ZRANB3: variants seen among roughly 807,000 people sequenced by gnomAD.
The protein encoded by ZRANB3 is DNA annealing helicase and endonuclease ZRANB3.
ZRANB3 carries 125 observed loss-of-function variants against 133.8 expected under a neutral mutation model. That is an observed-to-expected ratio of 0.93 (90% confidence interval 0.81 to 1.08). ZRANB3 has a LOEUF of 1.08. Ranked by LOEUF, ZRANB3 falls within the 50% of genes least tolerant of loss-of-function variation. ZRANB3 has a pLI of 0.00. For missense variants in ZRANB3, 1,229 were observed against 1,275.5 expected (o/e 0.96, Z 0.56); for synonymous variants, 387 against 432.7 (o/e 0.89, Z 1.31).
chr2:135,333,718 T>C (rs984550726), intron 6 of ZRANB3, among the ~76,000 whole-genome samples: 6 of 152,170 alleles, frequency 3.9e-5, no homozygotes, highest in Admixed American at 2.0e-4. Flanking sequence ...AAAGTGGTAA[T>C]GGTTGCACAA....
chr2:135,486,458 C>A (rs1349703235), intron 2 of ZRANB3, among the ~76,000 whole-genome samples: 4 of 151,978 alleles, frequency 2.6e-5, no homozygotes, highest in Non-Finnish European at 5.9e-5. Context: ...TCAGGCTCTA[C>A]TTCTAATTCT....
intron 1 of ZRANB3, among the ~76,000 whole-genome samples, chr2:135,524,086 C>CT (rs1399190644): frequency 1.3e-5 from 2 of 151,730 alleles, no homozygotes; most frequent in Non-Finnish European, 2.9e-5. Context: ...TGGTCGAATT[C>CT]TTTTTTCTTT....
intron 6 of ZRANB3, among the ~76,000 whole-genome samples, chr2:135,322,709 T>C (rs1250345180): frequency 6.6e-6 from 1 of 151,726 alleles, no homozygotes; most frequent in Non-Finnish European, 1.5e-5. Flanking sequence ...CCAAGCAAGA[T>C]CATGTCTCTT....
intron 8 of ZRANB3, among the ~76,000 whole-genome samples, chr2:135,277,341 T>C (rs879296612): frequency 2.0e-5 from 3 of 152,220 alleles, no homozygotes; most frequent in Admixed American, 6.5e-5. Context: ...AGTCTATAAA[T>C]TGTATACATG....
intron 3 of ZRANB3, among the ~76,000 whole-genome samples, chr2:135,357,835 A>G (rs185370628): frequency 2.0e-5 from 3 of 152,178 alleles, no homozygotes; most frequent in African/African-American, 7.2e-5. Flanking sequence ...TTAACACCAG[A>G]TATCTTGAGT....
chr2:135,333,975 G>A (rs1684266131), intron 6 of ZRANB3, among the ~76,000 whole-genome samples: 1 of 152,102 alleles, frequency 6.6e-6, no homozygotes, highest in African/African-American at 2.4e-5. Context: ...ACCCTGCAAT[G>A]TCTTCTTATT....
chr2:135,448,671 A>T (rs915004211), intron 2 of ZRANB3, among the ~76,000 whole-genome samples: 2 of 152,246 alleles, frequency 1.3e-5, no homozygotes, highest in African/African-American at 4.8e-5. Flanking sequence ...CTGATTAAAG[A>T]CTAATAATGA....
At position 135,235,057 on chromosome 2, in the gene ZRANB3, A is replaced by G. The variant is rs1695224999; in HGVS notation, c.1540-4130T>C. Among the ~76,000 whole-genome samples, 4 of 152,242 alleles carry G rather than the reference A, an allele frequency of 2.6e-5. No homozygotes were observed. In the South Asian group the frequency reaches 8.3e-4, roughly 31 times the overall value. On this transcript the variant is annotated intron_variant, in intron 12 of 20. Coordinates refer to ENST00000264159, the MANE Select transcript of ZRANB3 (RefSeq NM_032143.4). ...AGACCGCTAGCAGGACTAATAAAGAAGAAAAGAGAAGAATCAAATAGACGC... is the reference window on the plus strand; with the variant it reads ...AGACCGCTAGCAGGACTAATAAAGAGGAAAAGAGAAGAATCAAATAGACGC...
At chr2:135,485,972 T>C (rs1191209619) in intron 2 of ZRANB3, among the ~76,000 whole-genome samples, 1 of 152,210 alleles carries the variant, frequency 6.6e-6, no homozygotes, top group Non-Finnish European at 1.5e-5. Context: ...TTAATACATA[T>C]ATCAATTATT....
intron 1 of ZRANB3, among the ~76,000 whole-genome samples, chr2:135,524,961 C>G (rs2104846745): frequency 6.6e-6 from 1 of 151,694 alleles, no homozygotes; most frequent in South Asian, 2.1e-4. Flanking sequence ...AATTTTTTTA[C>G]TAATCTGGGG....
At chr2:135,488,586 C>A (rs72986467) in intron 2 of ZRANB3, among the ~76,000 whole-genome samples, 6,558 of 150,872 alleles carry the variant, frequency 0.043, 479 homozygotes, top group African/African-American at 0.15. Context: ...TTTGTAAAAA[C>A]CACAATATAT....
intron 3 of ZRANB3, among the ~76,000 whole-genome samples, chr2:135,374,158 G>A (rs1165317759): frequency 6.6e-6 from 1 of 152,200 alleles, no homozygotes; most frequent in Non-Finnish European, 1.5e-5. Context: ...TGTAATCTCA[G>A]CACTTTGAAA....
chr2:135,245,868 G>A (rs1341064094), intron 12 of ZRANB3, among the ~76,000 whole-genome samples: 2 of 125,236 alleles, frequency 1.6e-5, no homozygotes, highest in African/African-American at 3.2e-5. Context: ...AGAGGTTATG[G>A]TGAGCCGAGA....
intron 1 of ZRANB3, among the ~76,000 whole-genome samples, chr2:135,517,144 A>G (rs985032244): frequency 5.3e-5 from 8 of 151,890 alleles, no homozygotes; most frequent in African/African-American, 1.9e-4. Context: ...GTTCTTCTCT[A>G]AACTGGTTAT....
intron 1 of ZRANB3, among the ~76,000 whole-genome samples, chr2:135,529,467 G>A (rs1371339941): frequency 2.0e-5 from 3 of 152,096 alleles, no homozygotes; most frequent in Non-Finnish European, 4.4e-5. Flanking sequence ...ATTCATCGGT[G>A]TATTATAGTT....
chr2:135,338,675 TAC>T (rs1684480659), intron 6 of ZRANB3, among the ~76,000 whole-genome samples: 2 of 152,370 alleles, frequency 1.3e-5, no homozygotes, highest in South Asian at 4.1e-4. Context: ...GCATCAAGAT[TAC>T]ACAGTATTCC....
At chr2:135,468,925 T>C (rs1326908819) in intron 2 of ZRANB3, among the ~76,000 whole-genome samples, 1 of 152,146 alleles carries the variant, frequency 6.6e-6, no homozygotes, top group East Asian at 1.9e-4. Flanking sequence ...AAGAATTATC[T>C]CCTTCAACCT....
chr2:135,480,590 C>T (rs186939202), intron 2 of ZRANB3, among the ~76,000 whole-genome samples: 6 of 151,976 alleles, frequency 3.9e-5, no homozygotes, highest in Admixed American at 3.9e-4. Flanking sequence ...GCCTTAAATA[C>T]TACAAAGGTT....
At chr2:135,382,599 G>A (rs1686764457) in intron 3 of ZRANB3, among the ~76,000 whole-genome samples, 1 of 152,154 alleles carries the variant, frequency 6.6e-6, no homozygotes, top group Non-Finnish European at 1.5e-5. Context: ...AGAAAGGTGG[G>A]GTTACCCACA....
Sources: allele counts gnomAD v4.1 joint callset (sites outside exome capture counted in the v4.1 genomes callset), GRCh38; gene constraint gnomAD v4.1.1; transcripts MANE v1.5; gene names NCBI Gene and HGNC (gene_info 2026-07-23, HGNC 2026-07-21).